Variants in DCC observed in about 807,000 individuals in gnomAD.
DCC encodes DCC netrin 1 receptor.
Under a neutral mutation model 172.5 loss-of-function variants are expected in DCC, and 58 were observed. That is an observed-to-expected ratio of 0.34 (90% confidence interval 0.27 to 0.42). The LOEUF is 0.42. DCC is among the 10% of genes least tolerant of loss of function. The pLI is 1.00. For synonymous variants in DCC, 709 were observed against 644.5 expected (o/e 1.10, Z -1.52); for missense variants, 1,740 against 1,791.0 (o/e 0.97, Z 0.51).
At chr18:52,792,970 A>G (rs540700575) in intron 2 of DCC, among the ~76,000 whole-genome samples, 1 of 152,294 alleles carries the variant, frequency 6.6e-6, no homozygotes, top group Non-Finnish European at 1.5e-5. Context: ...CAGGACACAG[A>G]CACATGTGGG....
chr18:53,258,091 T>C (rs1384522478), intron 12 of DCC, among the ~76,000 whole-genome samples: 1 of 152,144 alleles, frequency 6.6e-6, no homozygotes, highest in East Asian at 1.9e-4. Context: ...ATGTATTTGA[T>C]TCTTCTCTGT....
At chr18:52,879,083 A>G (rs1487628877) in intron 2 of DCC, among the ~76,000 whole-genome samples, 1 of 152,220 alleles carries the variant, frequency 6.6e-6, no homozygotes, top group Non-Finnish European at 1.5e-5. Flanking sequence ...CAGGTGCAGG[A>G]AATACCACAA....
chr18:52,705,826 T>C (rs752426636), intron 1 of DCC, among the ~76,000 whole-genome samples: 33 of 152,206 alleles, frequency 2.2e-4, no homozygotes, highest in Non-Finnish European at 4.1e-4. Flanking sequence ...TAAGTGAATT[T>C]ATAATTCATT....
At chr18:52,540,405 T>A (rs1452562122) in intron 1 of DCC, among the ~76,000 whole-genome samples, 2 of 152,052 alleles carry the variant, frequency 1.3e-5, no homozygotes, top group Admixed American at 1.3e-4. Context: ...CTAGCCCCAG[T>A]GACAGAGCAA....
chr18:52,983,698 A>G (rs1290100241), intron 5 of DCC, among the ~76,000 whole-genome samples: 1 of 152,200 alleles, frequency 6.6e-6, no homozygotes, highest in African/African-American at 2.4e-5. Context: ...ATCTTATTTC[A>G]GCATCTGTAG....
At position 53,047,255 on chromosome 18, in the gene DCC, T is replaced by G. The variant is rs1320979844; in HGVS notation, c.986-16050T>G. ...GGTAGGATATATATATATATATATA[T>G]ATATATATATATATATATATATATA... is the stretch of plus-strand genomic sequence containing the variant. On this transcript the variant is annotated intron_variant, in intron 5 of 28. Transcript: ENST00000442544. 1.1e-3 allele frequency among the ~76,000 whole-genome samples: 11 copies of G among 10,252 alleles called. 1 individual carries two copies. Among genetic ancestry groups the G allele is most frequent in the Non-Finnish European group, 1.6e-3 (8 of 4,946 alleles). 6.7% of individuals were successfully genotyped at this position (10,252 alleles called of 152,430 possible).
chr18:52,610,819 C>G (rs1349082484), intron 1 of DCC, among the ~76,000 whole-genome samples: 1 of 150,968 alleles, frequency 6.6e-6, no homozygotes, highest in African/African-American at 2.4e-5. Flanking sequence ...ACAAAATCTT[C>G]TTTTGATTTT....
intron 2 of DCC, among the ~76,000 whole-genome samples, chr18:52,862,482 C>A (rs1689844801): frequency 6.6e-6 from 1 of 152,164 alleles, no homozygotes; most frequent in African/African-American, 2.4e-5. Flanking sequence ...GCAGGTGGAT[C>A]ACCTGAGATC....
At chr18:52,941,200 T>G (rs2040456198) in intron 5 of DCC, 2 of 152,138 alleles carry the variant, frequency 1.3e-5, no homozygotes, top group South Asian at 4.1e-4. Context: ...GTTTAAGTCT[T>G]TTTAATATAG....
At chr18:52,829,579 T>A (rs909043449) in intron 2 of DCC, among the ~76,000 whole-genome samples, 13 of 152,136 alleles carry the variant, frequency 8.5e-5, no homozygotes, top group Admixed American at 7.9e-4. Flanking sequence ...TCTATTACAG[T>A]TCAAGAGTCT....
Position 53,388,198 on chromosome 18 carries a change from C to T in DCC, c.2455+2060C>T, listed in dbSNP as rs1040534352. Among the ~76,000 whole-genome samples the T allele has an allele frequency of 9.9e-5, 15 of 152,280 alleles. No homozygotes were observed. In the East Asian group the frequency reaches 2.1e-3, roughly 22 times the overall value. ...CCAGTTAAGGGGTTCGAGAAGAATG[C>T]GTGATTCCAGCCCTTTTCAAAAAGG... On this transcript the variant is annotated intron_variant, in intron 16 of 28. Coordinates refer to ENST00000442544, the MANE Select transcript of DCC (RefSeq NM_005215.4).
At chr18:52,620,855 A>C (rs575496160) in intron 1 of DCC, among the ~76,000 whole-genome samples, 11 of 152,362 alleles carry the variant, frequency 7.2e-5, no homozygotes, top group Admixed American at 4.6e-4. Context: ...AGTATACACA[A>C]GCATGGAATT....
intron 1 of DCC, among the ~76,000 whole-genome samples, chr18:52,615,462 A>G (rs1242309817): frequency 2.6e-5 from 4 of 152,182 alleles, no homozygotes; most frequent in African/African-American, 9.6e-5. Flanking sequence ...AGAAGCTTCT[A>G]AGTCTTTTTC....
chr18:52,809,790 C>G (rs2038160234), intron 2 of DCC, among the ~76,000 whole-genome samples: 1 of 152,160 alleles, frequency 6.6e-6, no homozygotes, highest in Admixed American at 6.5e-5. Flanking sequence ...AAGGGGGTTG[C>G]CACTCCCAAC....
chr18:52,715,703 T>C (rs1300346268), intron 1 of DCC, among the ~76,000 whole-genome samples: 2 of 152,092 alleles, frequency 1.3e-5, no homozygotes, highest in African/African-American at 4.8e-5. Context: ...GTGAATTGGG[T>C]TAGGCCAGTA....
At chr18:52,989,537 T>C (rs1255996831) in intron 5 of DCC, among the ~76,000 whole-genome samples, 4 of 152,090 alleles carry the variant, frequency 2.6e-5, no homozygotes. Flanking sequence ...GAAAAAAAAT[T>C]GTTTCCTTGC....
chr18:52,628,363 G>A (rs1198477824), intron 1 of DCC, among the ~76,000 whole-genome samples: 2 of 152,180 alleles, frequency 1.3e-5, no homozygotes, highest in African/African-American at 2.4e-5. Flanking sequence ...AGCATCCAAT[G>A]TGTCTTTCAC....
At chr18:52,376,290 G>A (rs1985343158) in intron 1 of DCC, among the ~76,000 whole-genome samples, 1 of 152,112 alleles carries the variant, frequency 6.6e-6, no homozygotes, top group South Asian at 2.1e-4. Flanking sequence ...ATAGCACTTT[G>A]GTTTCAAATA....
chr18:53,322,253 G>A, intron 14 of DCC, 96 bp downstream of exon 14: 1 of 743,758 alleles, frequency 1.3e-6, no homozygotes. Context: ...CAACTTTGGG[G>A]ACATTGATTC....
Sources: gnomAD v4.1 joint callset for allele counts (sites outside exome capture counted in the v4.1 genomes callset) on GRCh38, gnomAD v4.1.1 for gene constraint, MANE v1.5 for transcripts, NCBI Gene and HGNC (gene_info 2026-07-23, HGNC 2026-07-21) for gene names.